Variants in GAS2 observed in about 807,000 individuals in gnomAD.
The protein encoded by GAS2 is growth arrest-specific protein 2.
Under a neutral mutation model 37.5 loss-of-function variants are expected in GAS2, and 20 were observed. The ratio of observed to expected loss-of-function variants is 0.53; its 90% CI spans 0.37 to 0.77. The LOEUF (loss-of-function observed/expected upper bound fraction) is 0.77, where lower values mean the gene tolerates loss of function less well. GAS2 is among the 30% of genes least tolerant of loss of function. The pLI is 0.00. For missense variants in GAS2, 336 were observed against 373.4 expected (o/e 0.90, Z 0.82); for synonymous variants, 144 against 132.2 (o/e 1.09, Z -0.61).
At chr11:22,661,897 G>A (rs909628545), upstream of GAS2, among the ~76,000 whole-genome samples, 18 of 152,084 alleles carry the variant, frequency 1.2e-4, no homozygotes, top group African/African-American at 4.3e-4. Flanking sequence ...AAATTTAGCA[G>A]CTCTCTAATA....
chr11:22,650,385 G>A (rs1590570634), intron 1 of GAS2, among the ~76,000 whole-genome samples: 1 of 151,786 alleles, frequency 6.6e-6, no homozygotes, highest in East Asian at 1.9e-4. Flanking sequence ...TGAAAAAAAT[G>A]TATATTCTGT....
At chr11:22,760,676 G>T (rs1054320512) in intron 7 of GAS2, among the ~76,000 whole-genome samples, 5 of 152,146 alleles carry the variant, frequency 3.3e-5, no homozygotes, top group Non-Finnish European at 5.9e-5. Context: ...ATATAAAATA[G>T]CTCTGTGTAG....
At chr11:22,632,483 CT>C (rs1858757133) in intron 1 of GAS2, among the ~76,000 whole-genome samples, 1 of 152,002 alleles carries the variant, frequency 6.6e-6, no homozygotes, top group African/African-American at 2.4e-5. Flanking sequence ...TCTTGGAATT[CT>C]TTTCTTCACA....
At chr11:22,783,683 AG>A (rs1172772449) in intron 7 of GAS2, among the ~76,000 whole-genome samples, 2 of 152,062 alleles carry the variant, frequency 1.3e-5, no homozygotes, top group Non-Finnish European at 2.9e-5. Context: ...CTTTGGGAGG[AG>A]GGGAAATTCT....
At chr11:22,628,113 T>G (rs1858688844) in intron 1 of GAS2, among the ~76,000 whole-genome samples, 1 of 152,214 alleles carries the variant, frequency 6.6e-6, no homozygotes, top group Admixed American at 6.5e-5. Context: ...CTATTTTCAT[T>G]AAATAAAATG....
At chr11:22,789,425 G>GATATATATATAT (rs35755438) in intron 7 of GAS2, among the ~76,000 whole-genome samples, 51 of 30,642 alleles carry the variant, frequency 1.7e-3, no homozygotes, top group African/African-American at 4.5e-3. Context: ...TCTCATATGA[G>GATATATATATAT]ATATATATAT....
chr11:22,763,303 G>A (rs10833809), intron 7 of GAS2, among the ~76,000 whole-genome samples: 72,669 of 151,834 alleles, frequency 0.48, 19,934 homozygotes, highest in South Asian at 0.63. Context: ...AGGCACCAAA[G>A]CTCTGTTGCT....
At chr11:22,741,417 A>AT (rs1853071715) in intron 5 of GAS2, among the ~76,000 whole-genome samples, 1 of 152,094 alleles carries the variant, frequency 6.6e-6, no homozygotes, top group African/African-American at 2.4e-5. Context: ...TAAATTCAGC[A>AT]TTTTTTGACT....
chr11:22,689,335 A>C (rs1850120898), intron 3 of GAS2, among the ~76,000 whole-genome samples: 1 of 152,186 alleles, frequency 6.6e-6, no homozygotes, highest in African/African-American at 2.4e-5. Context: ...TCAATACATC[A>C]AATTTGATCT....
intron 1 of GAS2, 34 bp from the exon 2 acceptor site, chr11:22,674,816 A>G: frequency 1.3e-6 from 2 of 1,507,058 alleles, no homozygotes; most frequent in Admixed American, 2.1e-5. Context: ...AGAAGTCTGT[A>G]TAAAAAGCAA....
Position 22,673,821 on chromosome 11 carries a change from A to G in GAS2, c.-20-1029A>G, listed in dbSNP as rs188036082. On this transcript the variant is annotated intron_variant, in intron 1 of 7. Transcript: ENST00000454584. The stretch of plus-strand genomic sequence containing the variant: ...ATTCAAATACCTTTTCTACAACCCA[A>G]GTAGGGGATTGCACTGCTCACAATA... 1.8e-4 allele frequency among the ~76,000 whole-genome samples: 27 copies of G among 152,338 alleles called. No homozygotes were observed. The East Asian group carries it at 4.8e-3, about 27-fold the overall frequency.
chr11:22,682,295 A>G (rs1425366339), intron 2 of GAS2, among the ~76,000 whole-genome samples: 1 of 151,752 alleles, frequency 6.6e-6, no homozygotes, highest in Non-Finnish European at 1.5e-5. Flanking sequence ...AATGAAAGCC[A>G]TTTTTTTCTT....
chr11:22,637,521 T>C (rs1858849073), intron 1 of GAS2, among the ~76,000 whole-genome samples: 1 of 22,128 alleles, frequency 4.5e-5, no homozygotes, highest in Non-Finnish European at 6.4e-5. Flanking sequence ...TAATATTAAT[T>C]ATATTAATAG....
rs28778117 is a variant in GAS2, at chr11:22,637,468, T to C, written c.-21+11655T>C. Among the ~76,000 whole-genome samples the C allele has an allele frequency of 1.4e-3, 4 of 2,920 alleles. 1 individual carries two copies. The highest frequency in any genetic ancestry group is 4.7e-3 in the African/African-American group (4 of 848). The allele number at this position is 2,920 out of a possible 152,430, so 1.9% of individuals were successfully genotyped here. A position where few individuals can be genotyped will look rare whatever the true frequency, so the allele number is the denominator to read the frequency against. ...AATATAATATTAATTATATTAATAG[T>C]ATACTTAATATAATATTAATTATAT... On this transcript the variant is annotated intron_variant, in intron 1 of 5. Transcript: ENST00000528582.
intron 3 of GAS2, among the ~76,000 whole-genome samples, chr11:22,717,761 A>T (rs1414258275): frequency 9.3e-6 from 1 of 107,724 alleles, no homozygotes; most frequent in African/African-American, 3.0e-5. Flanking sequence ...CAAGGAACTC[A>T]AACAAATCAG....
intron 7 of GAS2, among the ~76,000 whole-genome samples, chr11:22,773,947 A>G (rs1313692526): frequency 6.6e-6 from 1 of 152,162 alleles, no homozygotes; most frequent in Non-Finnish European, 1.5e-5. Flanking sequence ...TGCACTTCCT[A>G]GACATTCCCA....
intron 6 of GAS2, among the ~76,000 whole-genome samples, chr11:22,751,157 C>T (rs1302484436): frequency 6.6e-6 from 1 of 151,926 alleles, no homozygotes; most frequent in Non-Finnish European, 1.5e-5. Flanking sequence ...GTCCATAGCC[C>T]TCCATGTTCT....
intron 3 of GAS2, among the ~76,000 whole-genome samples, chr11:22,721,339 A>G (rs1851937902): frequency 6.6e-6 from 1 of 152,042 alleles, no homozygotes; most frequent in Admixed American, 6.6e-5. Context: ...ACAACACTAT[A>G]AATAGAATTA....
At chr11:22,650,688 C>G (rs1350772813) in intron 1 of GAS2, among the ~76,000 whole-genome samples, 7 of 151,984 alleles carry the variant, frequency 4.6e-5, no homozygotes, top group Non-Finnish European at 1.0e-4. Flanking sequence ...TTCTTTGTCT[C>G]TTTTGATCTT....
Sources: gnomAD v4.1 joint callset for allele counts (sites outside exome capture counted in the v4.1 genomes callset) on GRCh38, gnomAD v4.1.1 for gene constraint, MANE v1.5 for transcripts, NCBI Gene and HGNC (gene_info 2026-07-23, HGNC 2026-07-21) for gene names.